Variants in SUSD4 observed in about 807,000 individuals in gnomAD.
SUSD4 encodes the protein sushi domain containing 4, also known as sushi domain-containing protein 4.
SUSD4 carries 41 observed loss-of-function variants against 50.5 expected under a neutral mutation model. The ratio of observed to expected loss-of-function variants is 0.81; its 90% CI spans 0.63 to 1.05. The LOEUF (loss-of-function observed/expected upper bound fraction) is 1.05. SUSD4 is among the 50% of genes least tolerant of loss of function. The pLI, the probability that SUSD4 is intolerant of heterozygous loss-of-function variation, is 0.00. For synonymous variants in SUSD4, 257 were observed against 257.3 expected (o/e 1.00, Z 0.01); for missense variants, 580 against 634.7 (o/e 0.91, Z 0.93).
At chr1:223,306,426 G>C (rs1665536723) in intron 2 of SUSD4, among the ~76,000 whole-genome samples, 1 of 152,226 alleles carries the variant, frequency 6.6e-6, no homozygotes, top group Non-Finnish European at 1.5e-5. Flanking sequence ...GGAAGATGGT[G>C]GCAGGGAAGT....
intron 2 of SUSD4, among the ~76,000 whole-genome samples, chr1:223,304,350 T>G (rs1665385206): frequency 6.6e-6 from 1 of 152,198 alleles, no homozygotes; most frequent in African/African-American, 2.4e-5. Flanking sequence ...ATTTTGTATT[T>G]ACAATAATCA....
intron 5 of SUSD4, among the ~76,000 whole-genome samples, chr1:223,233,762 C>T (rs1051402119): frequency 6.6e-6 from 1 of 152,210 alleles, no homozygotes; most frequent in Admixed American, 6.5e-5. Context: ...CCGTCAGTTG[C>T]TAGTTCTAAG....
chr1:223,352,137 G>C (rs1668403817), intron 2 of SUSD4, among the ~76,000 whole-genome samples: 1 of 152,202 alleles, frequency 6.6e-6, no homozygotes, highest in Non-Finnish European at 1.5e-5. Context: ...AGCAATGACA[G>C]AGTAACAGGA....
chr1:223,241,027 C>A (rs1660544709), intron 5 of SUSD4, among the ~76,000 whole-genome samples: 1 of 152,122 alleles, frequency 6.6e-6, no homozygotes, highest in South Asian at 2.1e-4. Context: ...TGCTTCTCAG[C>A]TTTGTTTTGT....
At chr1:223,236,141 C>A (rs1023868569) in intron 5 of SUSD4, among the ~76,000 whole-genome samples, 5 of 152,112 alleles carry the variant, frequency 3.3e-5, no homozygotes, top group Admixed American at 2.6e-4. Flanking sequence ...TGCTTGTTTG[C>A]CATCTGTATA....
chr1:223,275,665 A>G (rs1225697083), intron 3 of SUSD4, among the ~76,000 whole-genome samples: 1 of 152,200 alleles, frequency 6.6e-6, no homozygotes, highest in East Asian at 1.9e-4. Context: ...GCATACAAGC[A>G]TCTGAGCTTG....
chr1:223,341,177 G>A (rs1667735140), intron 2 of SUSD4, among the ~76,000 whole-genome samples: 1 of 152,174 alleles, frequency 6.6e-6, no homozygotes, highest in Non-Finnish European at 1.5e-5. Flanking sequence ...TGCTGGGCCT[G>A]CCTGGTACTC....
intron 2 of SUSD4, among the ~76,000 whole-genome samples, chr1:223,356,552 C>T (rs1407538197): frequency 6.6e-6 from 1 of 151,850 alleles, no homozygotes; most frequent in African/African-American, 2.4e-5. Flanking sequence ...CTGGGATTAC[C>T]GGCATGAGCC....
At chr1:223,288,770 C>A (rs1290080370) in intron 3 of SUSD4, among the ~76,000 whole-genome samples, 1 of 152,118 alleles carries the variant, frequency 6.6e-6, no homozygotes, top group Non-Finnish European at 1.5e-5. Flanking sequence ...ATAAATGAAT[C>A]CTGAATTGAT....
At chr1:223,337,499 C>T (rs990446644) in intron 2 of SUSD4, among the ~76,000 whole-genome samples, 33 of 152,120 alleles carry the variant, frequency 2.2e-4, no homozygotes, top group African/African-American at 7.7e-4. Flanking sequence ...CCTGTAAATA[C>T]GGGTGGGGAG....
intron 3 of SUSD4, among the ~76,000 whole-genome samples, chr1:223,283,892 T>C (rs1234654958): frequency 1.3e-5 from 2 of 152,212 alleles, no homozygotes; most frequent in African/African-American, 4.8e-5. Flanking sequence ...CATGGAATAC[T>C]ACGCAGCCAT....
chr1:223,320,270 C>G (rs1368151335), intron 2 of SUSD4, among the ~76,000 whole-genome samples: 1 of 152,204 alleles, frequency 6.6e-6, no homozygotes, highest in Non-Finnish European at 1.5e-5. Context: ...CTAAAAGAGA[C>G]AGCAGTGCAG....
intron 2 of SUSD4, among the ~76,000 whole-genome samples, chr1:223,360,707 T>A (rs773415041): frequency 1.6e-4 from 24 of 152,330 alleles, no homozygotes; most frequent in Non-Finnish European, 2.9e-4. Context: ...GCTGAGACGA[T>A]TATATCTTGC....
At chr1:223,234,808 G>A in intron 5 of SUSD4, 1 of 1,117,774 alleles carries the variant, frequency 8.9e-7, no homozygotes, top group Non-Finnish European at 1.2e-6. Flanking sequence ...AAAATAAAGA[G>A]GCCAACGTTT....
chr1:223,317,589 A>G lies in SUSD4; in HGVS notation c.149-24938T>C, dbSNP rs140544843. On this transcript the variant is annotated intron_variant, in intron 2 of 8. Coordinates refer to ENST00000366878, the MANE Select transcript of SUSD4 (RefSeq NM_017982.4). ...AGTCTTTGGACGTTCTTGTGTCTCA[A>G]CCTGGTCCTGGAAGTACTTTGTTTT... Among the ~76,000 whole-genome samples, 13 of 152,276 alleles carry G rather than the reference A, an allele frequency of 8.5e-5. No individual in the cohort carries two copies. In the East Asian group the frequency reaches 2.3e-3, roughly 27 times the overall value.
At chr1:223,363,609 G>T in intron 1 of SUSD4, 149 bp from the exon 2 acceptor site, 1 of 927,656 alleles carries the variant, frequency 1.1e-6, no homozygotes, top group Non-Finnish European at 1.5e-6. Context: ...CTTTCCCACG[G>T]CGAGGTCCCC....
intron 5 of SUSD4, chr1:223,263,910 C>T: frequency 1.0e-6 from 1 of 985,434 alleles, no homozygotes. Context: ...TAGACCCCTC[C>T]TACCCACTAT....
chr1:223,240,964 G>A (rs1007561510), intron 5 of SUSD4, among the ~76,000 whole-genome samples: 10 of 152,344 alleles, frequency 6.6e-5, no homozygotes, highest in African/African-American at 2.4e-4. Flanking sequence ...AGCCCTAAGA[G>A]TGGGTCTCAG....
chr1:223,282,135 C>A (rs1417125096), intron 3 of SUSD4, among the ~76,000 whole-genome samples: 1 of 152,162 alleles, frequency 6.6e-6, no homozygotes, highest in Non-Finnish European at 1.5e-5. Flanking sequence ...CAATATCATA[C>A]TGAATGGGCA....
Sources: allele counts gnomAD v4.1 joint callset (sites outside exome capture counted in the v4.1 genomes callset), GRCh38; gene constraint gnomAD v4.1.1; transcripts MANE v1.5; gene names NCBI Gene and HGNC (gene_info 2026-07-23, HGNC 2026-07-21).